NPEPPS: variants seen among roughly 807,000 people sequenced by gnomAD.
NPEPPS encodes the protein puromycin-sensitive aminopeptidase.
NPEPPS carries 14 observed loss-of-function variants against 115.5 expected under a neutral mutation model. The observed-to-expected ratio is 0.12, with a 90% CI of 0.08 to 0.19. The LOEUF (loss-of-function observed/expected upper bound fraction) is 0.19. Among genes scored for constraint, NPEPPS ranks in the 10% least tolerant of loss-of-function variants. NPEPPS has a pLI of 1.00. For synonymous variants in NPEPPS, 285 were observed against 390.6 expected, an observed-to-expected ratio of 0.73 and a Z score of 3.19; for missense variants, 523 against 1,110.8, an observed-to-expected ratio of 0.47 and a Z score of 7.52.
intron 1 of NPEPPS, among the ~76,000 whole-genome samples, chr17:47,534,956 T>G (rs8065938): frequency 2.7e-3 from 411 of 151,888 alleles, no homozygotes; most frequent in African/African-American, 9.6e-3. Context: ...TAAAAATCAA[T>G]TGTCTTGGCC....
chr17:47,538,270 A>G (rs1455710463), intron 1 of NPEPPS, among the ~76,000 whole-genome samples: 10 of 125,794 alleles, frequency 7.9e-5, no homozygotes, highest in Non-Finnish European at 1.6e-4. Context: ...TGGAGTGTGC[A>G]GTGGTGCGAT....
At chr17:47,616,054 C>T (rs1415065639) in intron 19 of NPEPPS, among the ~76,000 whole-genome samples, 2 of 152,138 alleles carry the variant, frequency 1.3e-5, no homozygotes, top group African/African-American at 2.4e-5. Flanking sequence ...GAGGAAAACG[C>T]TTCCTGAAAG....
At chr17:47,568,739 T>G (rs1172591243) in intron 2 of NPEPPS, among the ~76,000 whole-genome samples, 2 of 152,128 alleles carry the variant, frequency 1.3e-5, no homozygotes, top group East Asian at 3.9e-4. Flanking sequence ...CACTGCAACC[T>G]CCGCCTCCCG....
chr17:47,608,327 C>T (rs1385353955), intron 17 of NPEPPS, among the ~76,000 whole-genome samples: 8 of 152,224 alleles, frequency 5.3e-5, no homozygotes, highest in Admixed American at 1.3e-4. Context: ...TGGTGGCACA[C>T]GCCTGTAGTC....
chr17:47,602,486 A>T (rs1913263091), intron 15 of NPEPPS, among the ~76,000 whole-genome samples: 1 of 152,002 alleles, frequency 6.6e-6, no homozygotes, highest in Non-Finnish European at 1.5e-5. Context: ...TACGAAAAAA[A>T]AATTAGCTAG....
upstream of NPEPPS, among the ~76,000 whole-genome samples, chr17:47,530,351 G>GTTTTTTTTTTTTTTTTTTTTTT (rs58886094): frequency 1.0e-5 from 1 of 97,822 alleles, no homozygotes; most frequent in Admixed American, 1.4e-4. Flanking sequence ...ATTATTAAAG[G>GTTTTTTTTTTTTTTTTTTTTTT]TTTTTTTTTT....
chr17:47,617,799 G>C (rs1183464133), intron 19 of NPEPPS, among the ~76,000 whole-genome samples: 1 of 152,140 alleles, frequency 6.6e-6, no homozygotes, highest in Admixed American at 6.5e-5. Context: ...CTAATGACAG[G>C]CTGTTCATCT....
chr17:47,532,187 C>T (rs1026021705), intron 1 of NPEPPS, among the ~76,000 whole-genome samples: 1 of 152,030 alleles, frequency 6.6e-6, no homozygotes, highest in Non-Finnish European at 1.5e-5. Context: ...AGATGATCCG[C>T]CCCCTCCCCC....
At chr17:47,566,761 C>T (rs1910844498) in intron 2 of NPEPPS, among the ~76,000 whole-genome samples, 1 of 150,870 alleles carries the variant, frequency 6.6e-6, no homozygotes, top group Non-Finnish European at 1.5e-5. Flanking sequence ...TGATTCTTGT[C>T]AAATTTGATT....
rs1909018476 is a variant in NPEPPS at position 47,544,244 on chromosome 17, G to A, written c.256-1665G>A. ...TGGGGTCTCTCTACTCTCTATGTCA[G>A]CCAGGCTGGTCTTGAATTCCTGGCC... On this transcript the variant is annotated intron_variant, in intron 1 of 22. Coordinates refer to ENST00000322157, the MANE Select transcript of NPEPPS (RefSeq NM_006310.4). Among the ~76,000 whole-genome samples the A allele has an allele frequency of 2.6e-5, 4 of 151,724 alleles. No individual in the cohort carries two copies. The South Asian group carries it at 8.3e-4, about 32-fold the overall frequency.
chr17:47,601,400 A>G (rs1471530891), intron 14 of NPEPPS, among the ~76,000 whole-genome samples: 1 of 152,028 alleles, frequency 6.6e-6, no homozygotes, highest in Admixed American at 6.6e-5. Flanking sequence ...TTCTTTTTTT[A>G]GACAACATGT....
At chr17:47,528,733 G>A (rs1359017061), upstream of NPEPPS, among the ~76,000 whole-genome samples, 2 of 152,044 alleles carry the variant, frequency 1.3e-5, no homozygotes, top group African/African-American at 2.4e-5. Context: ...CTGGGTTCAA[G>A]TGATTCTTCT....
intron 19 of NPEPPS, among the ~76,000 whole-genome samples, chr17:47,613,973 A>G (rs1034986018): frequency 4.7e-5 from 7 of 150,346 alleles, no homozygotes; most frequent in African/African-American, 1.7e-4. Flanking sequence ...CTGAAATCTT[A>G]TTATTATTTT....
chr17:47,614,374 A>C (rs1246830412), intron 19 of NPEPPS, among the ~76,000 whole-genome samples: 1 of 152,028 alleles, frequency 6.6e-6, no homozygotes, highest in Non-Finnish European at 1.5e-5. Context: ...TTTAAGCAAA[A>C]CGTTTGTTTC....
intron 2 of NPEPPS, among the ~76,000 whole-genome samples, chr17:47,556,732 C>T (rs573727168): frequency 6.2e-4 from 95 of 152,292 alleles, no homozygotes; most frequent in African/African-American, 2.2e-3. Flanking sequence ...CCCTCCGGGA[C>T]GGGGCGGCTC....
rs1913462583 is a variant in NPEPPS at position 47,605,534 on chromosome 17, G to A, written c.2077G>A (p.Asp693Asn). ...ACCTATAGGGGAGAGACTGGGCTGGGACCCCAAACCTGGAGAAGGTAATGG... is the reference window on the plus strand; with the variant it reads ...ACCTATAGGGGAGAGACTGGGCTGGAACCCCAAACCTGGAGAAGGTAATGG... The part of the protein sequence containing the change: ...FSPIGERLGW[D>N]PKPGEGHLDA... Residue 693 changes from aspartate to asparagine, a missense_variant, in exon 17 of 23, where the codon GAC becomes AAC. By Grantham distance (23) the Asp-to-Asn change is conservative. Transcript: ENST00000322157. 6.3e-7 allele frequency: 1 copy of A among 1,592,150 alleles called. No homozygotes were observed. The highest frequency in any genetic ancestry group is 8.6e-7 in the Non-Finnish European group (1 of 1,167,828).
chr17:47,589,184 C>T (rs1322129725), intron 9 of NPEPPS, among the ~76,000 whole-genome samples: 2 of 151,336 alleles, frequency 1.3e-5, no homozygotes, highest in African/African-American at 4.9e-5. Flanking sequence ...TGGGCTCAAG[C>T]AATCCTCCCA....
chr17:47,560,661 A>G (rs551362572), intron 2 of NPEPPS, among the ~76,000 whole-genome samples: 2 of 152,142 alleles, frequency 1.3e-5, no homozygotes, highest in Non-Finnish European at 2.9e-5. Flanking sequence ...TTTCTTTCCC[A>G]TTGCAACATT....
chr17:47,531,499 C>T lies in NPEPPS; in HGVS notation c.199C>T (p.Leu67Phe). 6.2e-7 allele frequency: 1 copy of T among 1,608,908 alleles called. No individual in the cohort carries two copies. The highest frequency in any genetic ancestry group is 8.5e-7 in the Non-Finnish European group (1 of 1,178,590). Residue 67 changes from leucine (L) to phenylalanine (F), a missense_variant, in exon 1 of 23, where the codon CTC becomes TTC. By Grantham distance (22) the Leu-to-Phe change is conservative. Transcript: ENST00000322157. ...CTCCCCCATCAACTACAGCCTTTGC[C>T]TCAAGCCCGACTTGCTGGACTTCAC... ...DVSPINYSLCLKPDLLDFTFE... is the reference protein window; with the variant it reads ...DVSPINYSLCFKPDLLDFTFE...
Sources: gnomAD v4.1 joint callset for allele counts (sites outside exome capture counted in the v4.1 genomes callset) on GRCh38, gnomAD v4.1.1 for gene constraint, MANE v1.5 for transcripts, NCBI Gene and HGNC (gene_info 2026-07-23, HGNC 2026-07-21) for gene names.